Variants in CPZ observed in about 807,000 individuals in gnomAD.
The protein encoded by CPZ is carboxypeptidase Z.
CPZ carries 103 observed loss-of-function variants against 61.8 expected under a neutral mutation model. That is an observed-to-expected ratio of 1.67 (90% CI 1.42 to 1.96). The LOEUF (loss-of-function observed/expected upper bound fraction) is 1.96. Ranked by LOEUF, CPZ falls within the 30% of genes most tolerant of loss-of-function variation. CPZ has a pLI of 0.00. For missense variants in CPZ, 1,461 were observed against 914.9 expected (o/e 1.60, Z -7.70); for synonymous variants, 551 against 373.7 (o/e 1.47, Z -5.47).
intron 3 of CPZ, chr4:8,602,471 G>C (rs944646472): frequency 6.6e-6 from 1 of 152,306 alleles, no homozygotes; most frequent in Non-Finnish European, 1.5e-5. Context: ...CCTAGGGCCA[G>C]TGTGTGCCAC....
chr4:8,600,732 C>T (rs1457167010), intron 2 of CPZ, among the ~76,000 whole-genome samples: 1 of 152,260 alleles, frequency 6.6e-6, no homozygotes, highest in Non-Finnish European at 1.5e-5. Context: ...ACGCCCAAAG[C>T]AGGATGTGTC....
chr4:8,592,853 T>C lies in CPZ; in HGVS notation c.20T>C (p.Leu7Pro), dbSNP rs780396225. The C allele has an allele frequency of 2.3e-5, 35 of 1,506,414 alleles. No individual in the cohort carries two copies. Among genetic ancestry groups the C allele is most frequent in the Admixed American group, 1.3e-4 (6 of 46,610 alleles). 93.3% of individuals were successfully genotyped at this position (1,506,414 alleles called of 1,614,324 possible). A position where few individuals can be genotyped will look rare whatever the true frequency, so the allele number is the denominator to read the frequency against. The change falls in exon 1 of 11, where the codon CTG becomes CCG. Residue 7 changes from leucine (L) to proline (P), a missense_variant. Leu to Pro is a moderately conservative substitution (Grantham distance 98, BLOSUM62 -3). Transcript: ENST00000360986. MPPPLP[L>P]LLLTVLVVAA... is the part of the protein sequence containing the mutation. ...CCCACCATGCCGCCCCCGCTGCCGCTGCTGCTCCTTACAGTCCTGGTCGTC... is the reference window on the plus strand; with the variant it reads ...CCCACCATGCCGCCCCCGCTGCCGCCGCTGCTCCTTACAGTCCTGGTCGTC...
chr4:8,613,062 C>A (rs945376442), intron 8 of CPZ, among the ~76,000 whole-genome samples: 1 of 152,150 alleles, frequency 6.6e-6, no homozygotes, highest in Non-Finnish European at 1.5e-5. Context: ...CCTCAGCCCC[C>A]GTCATAGCCC....
At chr4:8,614,226 C>A (rs1715961354) in intron 8 of CPZ, 133 bp from the exon 9 acceptor site, 1 of 1,272,624 alleles carries the variant, frequency 7.9e-7, no homozygotes, top group South Asian at 1.5e-5. Flanking sequence ...GGCTGACACC[C>A]CGACGTCCCG....
At position 8,606,634 on chromosome 4, in the gene CPZ, C is replaced by A. The variant is rs565995491; in HGVS notation, c.907-103C>A. 50 of 1,450,816 alleles carry A rather than the reference C, an allele frequency of 3.4e-5. 1 individual carries two copies. In the Admixed American group the frequency reaches 4.5e-4, roughly 13 times the overall value. The allele number at this position is 1,450,816 out of a possible 1,614,324, so 89.9% of individuals were successfully genotyped here. Reference sequence around the variant, plus strand: ...CTCATCACATAAAGCCGGGGGAAACCGCAGCCCCTGGCCTTGACCCTCAGC... The same window carrying A: ...CTCATCACATAAAGCCGGGGGAAACAGCAGCCCCTGGCCTTGACCCTCAGC... On this transcript the variant is annotated intron_variant, in intron 5 of 10. Coordinates refer to ENST00000360986, the MANE Select transcript of CPZ (RefSeq NM_001014447.3).
intron 8 of CPZ, 129 bp downstream of exon 8, chr4:8,612,291 C>G (rs956442949): frequency 5.1e-6 from 4 of 777,478 alleles, no homozygotes. Flanking sequence ...CAGGGCGATG[C>G]CTCACCTGGT....
Position 8,601,337 on chromosome 4 carries a change from C to T in CPZ, c.336C>T (p.Gly112=), listed in dbSNP as rs913115319. The change falls in exon 3 of 11, where the codon GGC becomes GGT. Residue 112 remains glycine (G), a synonymous_variant. Coordinates refer to ENST00000360986, the MANE Select transcript of CPZ (RefSeq NM_001014447.3). ...TGCTGGCCCCCCGGTGTGAGGGCGG[C>T]TGGGTGCGCAGACCCTGCCGGCACA... ...CAVLAPRCEG[G]WVRRPCRHIC... 1 of 1,607,350 alleles carries T rather than the reference C, an allele frequency of 6.2e-7. No homozygotes were observed. Among genetic ancestry groups the T allele is most frequent in the Non-Finnish European group, 8.5e-7 (1 of 1,175,598 alleles).
Position 8,606,728 on chromosome 4 carries a change from T to G in CPZ, c.907-9T>G. Reference sequence around the variant, plus strand: ...ACCCCACCCAGTCGGGGGTTGGCCATGTTTTCAGGGTGCCGGCTACAACGG... The same window carrying G: ...ACCCCACCCAGTCGGGGGTTGGCCAGGTTTTCAGGGTGCCGGCTACAACGG... On this transcript the variant is annotated splice_polypyrimidine_tract_variant and intron_variant, in intron 5 of 10. Coordinates refer to ENST00000360986, the MANE Select transcript of CPZ (RefSeq NM_001014447.3). The G allele has an allele frequency of 1.9e-6, 3 of 1,614,022 alleles. No individual in the cohort carries two copies. The highest frequency in any genetic ancestry group is 2.5e-6 in the Non-Finnish European group (3 of 1,179,976).
At chr4:8,611,073 C>G in intron 7 of CPZ, 1 of 361,784 alleles carries the variant, frequency 2.8e-6, no homozygotes, top group Admixed American at 2.9e-5. Context: ...CTCATTCACT[C>G]ATTCATTCGC....
chr4:8,608,028 C>T (rs1351458000), intron 7 of CPZ, among the ~76,000 whole-genome samples: 1 of 141,716 alleles, frequency 7.1e-6, no homozygotes, highest in Non-Finnish European at 1.6e-5. Context: ...CCCACCCTAA[C>T]CTTAGGACGA....
intron 8 of CPZ, 39 bp downstream of exon 8, chr4:8,612,201 GGGT>G: frequency 5.8e-6 from 2 of 345,390 alleles, no homozygotes; most frequent in Non-Finnish European, 9.7e-6. Context: ...GGGGGGTGGG[GGGT>G]GCAGGGGCTG....
At chr4:8,612,212 C>CCGGGGGG in intron 8 of CPZ, 50 bp downstream of exon 8, 4 of 64,642 alleles carry the variant, frequency 6.2e-5, no homozygotes, top group East Asian at 3.2e-4. Flanking sequence ...GGTGCAGGGG[C>CCGGGGGG]TGGGTGGGGC....
chr4:8,608,128 C>CACAGCCT (rs1553877362), intron 7 of CPZ, among the ~76,000 whole-genome samples: 2 of 117,652 alleles, frequency 1.7e-5, no homozygotes, highest in East Asian at 5.9e-4. Context: ...TGAGGTGGGC[C>CACAGCCT]CCAGCCTCCA....
Position 8,607,312 on chromosome 4 carries a change from C to T in CPZ, c.1114C>T (p.Pro372Ser), listed in dbSNP as rs371681610. ...KAIMKWMQTI[P>S]FVLSASLHGG... Reference sequence around the variant, plus strand: ...AATCATGAAGTGGATGCAGACCATACCCTTTGTGCTCTCAGCCAGCCTTCA... The same window carrying T: ...AATCATGAAGTGGATGCAGACCATATCCTTTGTGCTCTCAGCCAGCCTTCA... Residue 372 changes from proline (P) to serine (S), a missense_variant, in exon 7 of 11, where the codon CCC becomes TCC. Coordinates refer to ENST00000360986, the MANE Select transcript of CPZ (RefSeq NM_001014447.3). 2 of 1,614,114 alleles carry T rather than the reference C, an allele frequency of 1.2e-6. No homozygotes were observed. Among genetic ancestry groups the T allele is most frequent in the Non-Finnish European group, 1.7e-6 (2 of 1,179,978 alleles).
At chr4:8,607,205 G>A in intron 6 of CPZ, 62 bp from the exon 7 acceptor site, 2 of 1,561,814 alleles carry the variant, frequency 1.3e-6, no homozygotes, top group Non-Finnish European at 1.7e-6. Context: ...TGAAGCCCAG[G>A]GCATGGCTGC....
intron 5 of CPZ, 117 bp from the exon 6 acceptor site, chr4:8,606,620 A>G (rs1156577879): frequency 5.3e-6 from 7 of 1,331,858 alleles, no homozygotes; most frequent in Non-Finnish European, 7.4e-6. Context: ...TCATCACATA[A>G]AGCCGGGGGA....
chr4:8,616,288 G>A (rs1296337845), intron 9 of CPZ, among the ~76,000 whole-genome samples: 1 of 152,210 alleles, frequency 6.6e-6, no homozygotes, highest in Non-Finnish European at 1.5e-5. Flanking sequence ...GGCGAGGGGA[G>A]GGGCGGCGTG....
rs746167789 is a variant in CPZ at position 8,606,232 on chromosome 4, C to A, written c.906+47C>A. On this transcript the variant is annotated intron_variant, in intron 5 of 10. Coordinates refer to ENST00000360986, the MANE Select transcript of CPZ (RefSeq NM_001014447.3). ...TCCTGTGGGCCACCGCCCGAACCACCCCCTCATTCATCCATTTATGAGTAG... is the reference window on the plus strand; with the variant it reads ...TCCTGTGGGCCACCGCCCGAACCACACCCTCATTCATCCATTTATGAGTAG... 5 of 1,542,748 alleles carry A rather than the reference C, an allele frequency of 3.2e-6. No homozygotes were observed. The East Asian group carries it at 7.0e-5, about 22-fold the overall frequency.
rs371200313 is a variant in CPZ at position 8,611,714 on chromosome 4, C to G, written c.1228-313C>G. The stretch of plus-strand genomic sequence containing the variant: ...TGCACACACCCTGTGGACACCATGT[C>G]TGTGTGTAACCTCAGGAGAGAAAGC... On this transcript the variant is annotated intron_variant, in intron 7 of 10. Transcript: ENST00000360986. Among the ~76,000 whole-genome samples, 16 of 152,246 alleles carry G rather than the reference C, an allele frequency of 1.1e-4. No homozygotes were observed. The East Asian group carries it at 1.2e-3, about 11-fold the overall frequency.
Sources: gnomAD v4.1 joint callset for allele counts (sites outside exome capture counted in the v4.1 genomes callset) on GRCh38, gnomAD v4.1.1 for gene constraint, MANE v1.5 for transcripts, NCBI Gene and HGNC (gene_info 2026-07-23, HGNC 2026-07-21) for gene names.